The following KCNH8 variants were observed in gnomAD, a reference collection of about 807,000 sequenced individuals.
KCNH8 encodes potassium voltage-gated channel subfamily H member 8.
KCNH8 carries 70 observed loss-of-function variants against 103.6 expected under a neutral mutation model. That is an observed-to-expected ratio of 0.68 (90% confidence interval 0.56 to 0.82). The LOEUF (loss-of-function observed/expected upper bound fraction) is 0.82, where lower values mean the gene tolerates loss of function less well. Among genes scored for constraint, KCNH8 ranks in the 40% least tolerant of loss-of-function variants. The probability of loss-of-function intolerance (pLI) is 0.00; values close to 1 mark genes in which losing one functional copy is unlikely to be tolerated. For synonymous variants in KCNH8, 498 were observed against 489.4 expected, an observed-to-expected ratio of 1.02 and a Z score of -0.23; for missense variants, 1,217 against 1,329.9, an observed-to-expected ratio of 0.92 and a Z score of 1.32.
intron 5 of KCNH8, among the ~76,000 whole-genome samples, chr3:19,383,786 ATAGT>A (rs764824045): frequency 2.8e-4 from 42 of 152,296 alleles, no homozygotes; most frequent in East Asian, 1.2e-3. Flanking sequence ...TATAGATTAG[ATAGT>A]TCTTATATTT....
chr3:19,352,063 CA>C (rs992757140), intron 5 of KCNH8, among the ~76,000 whole-genome samples: 5 of 151,064 alleles, frequency 3.3e-5, no homozygotes, highest in African/African-American at 7.3e-5. Flanking sequence ...AAATGGAAAA[CA>C]AAAAAAAGCA....
At chr3:19,342,110 A>G (rs2065668181) in intron 3 of KCNH8, among the ~76,000 whole-genome samples, 1 of 152,138 alleles carries the variant, frequency 6.6e-6, no homozygotes, top group Admixed American at 6.6e-5. Context: ...TATAATATGC[A>G]AATATGGAAT....
Position 19,462,763 on chromosome 3 carries a change from T to C in KCNH8, c.2040+5781T>C, listed in dbSNP as rs1187405023. Reference sequence around the variant, plus strand: ...TTCCCTAGGTTTTCTTCTAGGGGTTTTATGGTTTTAGGTCTAACATTTAAG... The same window carrying C: ...TTCCCTAGGTTTTCTTCTAGGGGTTCTATGGTTTTAGGTCTAACATTTAAG... On this transcript the variant is annotated intron_variant, in intron 11 of 15. Coordinates refer to ENST00000328405, the MANE Select transcript of KCNH8 (RefSeq NM_144633.3). Among the ~76,000 whole-genome samples the C allele has an allele frequency of 4.6e-5, 7 of 152,346 alleles. No individual in the cohort carries two copies. The South Asian group carries it at 1.4e-3, about 32-fold the overall frequency.
chr3:19,438,473 G>C (rs1215742187), intron 8 of KCNH8, 112 bp downstream of exon 8: 1 of 882,880 alleles, frequency 1.1e-6, no homozygotes, highest in Non-Finnish European at 1.7e-6. Flanking sequence ...AACACTGGAA[G>C]ATTCTAAAAG....
chr3:19,488,001 T>C (rs7641665), intron 11 of KCNH8, among the ~76,000 whole-genome samples: 14,100 of 152,196 alleles, frequency 0.093, 852 homozygotes, highest in African/African-American at 0.17. Context: ...GCACCAGTAT[T>C]GACCAAAAAC....
chr3:19,409,249 T>G (rs1216354079), intron 7 of KCNH8, among the ~76,000 whole-genome samples: 1 of 151,636 alleles, frequency 6.6e-6, no homozygotes, highest in South Asian at 2.1e-4. Context: ...CAATCAAGAG[T>G]TTTATATCCT....
chr3:19,420,262 T>C (rs1045168752), intron 7 of KCNH8, among the ~76,000 whole-genome samples: 1 of 152,240 alleles, frequency 6.6e-6, no homozygotes, highest in Non-Finnish European at 1.5e-5. Flanking sequence ...TAAATGACTA[T>C]GGTAGCTTAT....
At chr3:19,219,689 G>A (rs2063853177) in intron 1 of KCNH8, among the ~76,000 whole-genome samples, 1 of 152,240 alleles carries the variant, frequency 6.6e-6, no homozygotes, top group Non-Finnish European at 1.5e-5. Flanking sequence ...AAATTCTTAT[G>A]GGTGCTTGCC....
intron 3 of KCNH8, among the ~76,000 whole-genome samples, chr3:19,297,250 G>A (rs2065008373): frequency 1.3e-5 from 2 of 152,138 alleles, no homozygotes; most frequent in African/African-American, 4.8e-5. Context: ...TGAGAATCCC[G>A]ATTTGATTTT....
chr3:19,166,271 G>A (rs2063282699), intron 1 of KCNH8, among the ~76,000 whole-genome samples: 1 of 152,054 alleles, frequency 6.6e-6, no homozygotes, highest in Admixed American at 6.5e-5. Context: ...ACATACACAT[G>A]CAGTTAATGT....
Position 19,515,379 on chromosome 3 carries a change from T to A in KCNH8, c.2493T>A (p.Phe831Leu). 1.3e-6 allele frequency: 2 copies of A among 1,588,356 alleles called. No individual in the cohort carries two copies. Among genetic ancestry groups the A allele is most frequent in the Non-Finnish European group, 1.7e-6 (2 of 1,167,388 alleles). ...GTGAAGAAAGTCAGACTTTTGATTTTGGCTCTGAACGAATCAGATCAGAGC... is the reference window on the plus strand; with the variant it reads ...GTGAAGAAAGTCAGACTTTTGATTTAGGCTCTGAACGAATCAGATCAGAGC... ...NSSEESQTFD[F>L]GSERIRSEPR... The change falls in exon 14 of 16, where the codon TTT becomes TTA. Residue 831 changes from phenylalanine (F) to leucine (L), a missense_variant. By Grantham distance (22) the Phe-to-Leu change is conservative (BLOSUM62 0). Coordinates refer to ENST00000328405, the MANE Select transcript of KCNH8 (RefSeq NM_144633.3).
chr3:19,517,922 A>G, intron 14 of KCNH8, 76 bp from the exon 15 acceptor site: 2 of 1,186,676 alleles, frequency 1.7e-6, no homozygotes, highest in Non-Finnish European at 2.5e-6. Flanking sequence ...ACTTTCTTTC[A>G]TATTCTAATT....
chr3:19,185,000 C>G (rs538636432), intron 1 of KCNH8, among the ~76,000 whole-genome samples: 1 of 151,860 alleles, frequency 6.6e-6, no homozygotes, highest in African/African-American at 2.4e-5. Flanking sequence ...TATAGATATA[C>G]CATACTTGGT....
intron 2 of KCNH8, among the ~76,000 whole-genome samples, chr3:19,280,496 T>TA (rs1409953887): frequency 1.3e-5 from 2 of 152,134 alleles, no homozygotes; most frequent in African/African-American, 4.8e-5. Context: ...TTTTTGTATT[T>TA]AATGTAAACA....
chr3:19,191,270 C>G (rs2063550902), intron 1 of KCNH8, among the ~76,000 whole-genome samples: 1 of 151,804 alleles, frequency 6.6e-6, no homozygotes, highest in Admixed American at 6.6e-5. Flanking sequence ...CTAAATTAAT[C>G]ATGATCTCAC....
intron 11 of KCNH8, among the ~76,000 whole-genome samples, chr3:19,499,134 G>A (rs1413015519): frequency 5.3e-5 from 8 of 152,302 alleles, no homozygotes; most frequent in East Asian, 1.9e-4. Flanking sequence ...CGAGAACTAC[G>A]TGAGGAATGC....
rs550581574 is a variant in KCNH8, at chr3:19,530,110, A to G, written c.2620-3285A>G. 3.3e-5 allele frequency among the ~76,000 whole-genome samples: 5 copies of G among 152,258 alleles called. No homozygotes were observed. In the East Asian group the frequency reaches 9.7e-4, roughly 29 times the overall value. ...TCATATGTGGGAGCTAGAAAAATGT[A>G]TCTCATGGAGGTAGAGAGTAGAATG... On this transcript the variant is annotated intron_variant, in intron 15 of 15. Coordinates refer to ENST00000328405, the MANE Select transcript of KCNH8 (RefSeq NM_144633.3).
intron 11 of KCNH8, among the ~76,000 whole-genome samples, chr3:19,491,000 T>A (rs1450441654): frequency 6.6e-6 from 1 of 152,156 alleles, no homozygotes; most frequent in Non-Finnish European, 1.5e-5. Context: ...ATAAAAAAAA[T>A]ACTCTGGGCA....
chr3:19,178,863 C>T (rs948468044), intron 1 of KCNH8, among the ~76,000 whole-genome samples: 1 of 152,098 alleles, frequency 6.6e-6, no homozygotes, highest in Non-Finnish European at 1.5e-5. Flanking sequence ...GTTGGCTGAG[C>T]ATTCTGTCCT....
Sources: allele counts gnomAD v4.1 joint callset (sites outside exome capture counted in the v4.1 genomes callset), GRCh38; gene constraint gnomAD v4.1.1; transcripts MANE v1.5; gene names NCBI Gene and HGNC (gene_info 2026-07-23, HGNC 2026-07-21).